The following TENT2 variants were observed in gnomAD, a reference collection of about 807,000 sequenced individuals.
TENT2 encodes the protein terminal nucleotidyltransferase 2, also known as poly(A) RNA polymerase GLD2.
In TENT2, 44 loss-of-function variants were observed where a neutral mutation model predicts 72.2. The observed-to-expected ratio is 0.61, with a 90% CI of 0.48 to 0.78. The LOEUF (loss-of-function observed/expected upper bound fraction) is 0.78. Among genes scored for constraint, TENT2 ranks in the 30% least tolerant of loss-of-function variants. The pLI, the probability that TENT2 is intolerant of heterozygous loss-of-function variation, is 0.00. For missense variants in TENT2, 541 were observed against 569.6 expected, an observed-to-expected ratio of 0.95 and a Z score of 0.51; for synonymous variants, 212 against 192.5, an observed-to-expected ratio of 1.10 and a Z score of -0.84.
At chr5:79,675,261 A>T (rs1311892930) in intron 12 of TENT2, among the ~76,000 whole-genome samples, 3 of 152,186 alleles carry the variant, frequency 2.0e-5, no homozygotes, top group African/African-American at 7.2e-5. Context: ...GCACAAATAG[A>T]ATAGGAGCAC....
At chr5:79,674,845 A>G (rs569771791) in intron 12 of TENT2, among the ~76,000 whole-genome samples, 13 of 152,204 alleles carry the variant, frequency 8.5e-5, no homozygotes, top group Non-Finnish European at 1.6e-4. Flanking sequence ...AGGAAATCCA[A>G]TGGAATGTGG....
At position 79,687,450 on chromosome 5, in the gene TENT2, C is replaced by G. The variant is rs942477897; in HGVS notation, c.*2177C>G. On this transcript the variant is annotated 3_prime_UTR_variant, in exon 15 of 15. Transcript: ENST00000453514. Reference sequence around the variant, plus strand: ...CCAAAATCCACAGATACTCAAGTCCCTTATATAAAATGGTGTAGTGTTTGC... The same window carrying G: ...CCAAAATCCACAGATACTCAAGTCCGTTATATAAAATGGTGTAGTGTTTGC... Among the ~76,000 whole-genome samples the G allele has an allele frequency of 6.6e-6, 1 of 152,158 alleles. No individual in the cohort carries two copies. The highest frequency in any genetic ancestry group is 1.5e-5 in the Non-Finnish European group (1 of 68,024).
intron 11 of TENT2, among the ~76,000 whole-genome samples, chr5:79,666,242 G>T (rs570701313): frequency 1.5e-4 from 21 of 141,690 alleles, no homozygotes; most frequent in African/African-American, 6.3e-4. Flanking sequence ...GCTCGCCTCG[G>T]CCTCCTGAAG....
chr5:79,615,871 C>A (rs951156091), intron 1 of TENT2, among the ~76,000 whole-genome samples: 13 of 151,978 alleles, frequency 8.6e-5, no homozygotes, highest in Non-Finnish European at 7.4e-5. Context: ...GACCACCACA[C>A]CTGGCTAATT....
intron 10 of TENT2, among the ~76,000 whole-genome samples, chr5:79,652,383 C>T (rs572517469): frequency 6.6e-6 from 1 of 151,648 alleles, no homozygotes; most frequent in African/African-American, 2.4e-5. Flanking sequence ...AAGATAATAA[C>T]TGTGTATATA....
At chr5:79,681,808 T>C (rs1197532835) in intron 13 of TENT2, 174 bp from the exon 14 acceptor site, 6 of 531,296 alleles carry the variant, frequency 1.1e-5, no homozygotes, top group Admixed American at 3.3e-5. Context: ...CAGTTCATAG[T>C]ATATCAAGCT....
intron 3 of TENT2, among the ~76,000 whole-genome samples, chr5:79,621,209 G>A (rs1764522603): frequency 6.6e-6 from 1 of 152,090 alleles, no homozygotes; most frequent in African/African-American, 2.4e-5. Flanking sequence ...TAACACTGAG[G>A]TAGATACTAT....
chr5:79,652,116 A>G (rs989467291), intron 10 of TENT2, among the ~76,000 whole-genome samples: 7 of 152,130 alleles, frequency 4.6e-5, no homozygotes, highest in African/African-American at 1.7e-4. Flanking sequence ...TTTCATTTCT[A>G]GAAATTTATC....
chr5:79,656,384 A>T (rs1252233926), intron 10 of TENT2, among the ~76,000 whole-genome samples: 1 of 151,926 alleles, frequency 6.6e-6, no homozygotes, highest in African/African-American at 2.4e-5. Context: ...AGCATTCTTT[A>T]AAAATGTACT....
intron 4 of TENT2, among the ~76,000 whole-genome samples, chr5:79,640,108 T>G (rs972664087): frequency 6.6e-6 from 1 of 151,918 alleles, no homozygotes; most frequent in African/African-American, 2.4e-5. Flanking sequence ...ATTGAAAAAT[T>G]AGCTGGGTGT....
chr5:79,647,683 TA>T (rs929916204), intron 8 of TENT2, among the ~76,000 whole-genome samples: 3 of 152,184 alleles, frequency 2.0e-5, no homozygotes, highest in Admixed American at 2.0e-4. Flanking sequence ...ATTTTGTTTT[TA>T]TTTTAGACAG....
chr5:79,649,071 G>C lies in TENT2; in HGVS notation c.908G>C (p.Arg303Pro). ...TTAATTTTACTTTCAGTTGAAAATC[G>C]AGTTCGTCCGTTAGTGCTGGTGATT... ...LLRTYAYLEN[R>P]VRPLVLVIKK... Residue 303 changes from arginine to proline, a missense_variant, in exon 10 of 15, where the codon CGA (arginine) becomes CCA (proline). Coordinates refer to ENST00000453514, the MANE Select transcript of TENT2 (RefSeq NM_001114394.3). The C allele has an allele frequency of 6.2e-7, 1 of 1,613,036 alleles. No homozygotes were observed. Among genetic ancestry groups the C allele is most frequent in the Non-Finnish European group, 8.5e-7 (1 of 1,179,428 alleles).
At position 79,640,847 on chromosome 5, in the gene TENT2, C is replaced by T. The variant is rs1323072907; in HGVS notation, c.466-4C>T. 1 of 1,585,276 alleles carries T rather than the reference C, an allele frequency of 6.3e-7. No individual in the cohort carries two copies. The highest frequency in any genetic ancestry group is 1.9e-5 in the Admixed American group (1 of 53,748). Reference sequence around the variant, plus strand: ...CTTTTACTTTTTTTTGCGGTGGATTCAAGTTGAGTCAGCAGATACTGGAGT... The same window carrying T: ...CTTTTACTTTTTTTTGCGGTGGATTTAAGTTGAGTCAGCAGATACTGGAGT... On this transcript the variant is annotated splice_region_variant and splice_polypyrimidine_tract_variant and intron_variant, in intron 4 of 14. Transcript: ENST00000453514.
chr5:79,619,900 T>G, intron 2 of TENT2, 94 bp from the exon 3 acceptor site: 3 of 1,455,456 alleles, frequency 2.1e-6, no homozygotes, highest in Non-Finnish European at 2.8e-6. Context: ...CATTTTTTTT[T>G]GATACGGATG....
chr5:79,644,138 C>T (rs1786771833), intron 7 of TENT2, among the ~76,000 whole-genome samples: 1 of 152,038 alleles, frequency 6.6e-6, no homozygotes, highest in African/African-American at 2.4e-5. Context: ...TGTGCCACCT[C>T]ACCTGGCTAA....
At chr5:79,683,313 T>C (rs921610584) in intron 14 of TENT2, among the ~76,000 whole-genome samples, 2 of 145,652 alleles carry the variant, frequency 1.4e-5, no homozygotes, top group Non-Finnish European at 3.0e-5. Context: ...ACGCACATGC[T>C]CACACACACA....
intron 8 of TENT2, among the ~76,000 whole-genome samples, chr5:79,646,494 A>G (rs1199334953): frequency 6.6e-6 from 1 of 152,206 alleles, no homozygotes; most frequent in Non-Finnish European, 1.5e-5. Flanking sequence ...ATGACTGAAT[A>G]TATATATTTT....
intron 1 of TENT2, 49 bp from the exon 2 acceptor site, chr5:79,619,563 G>C (rs1167475209): frequency 3.1e-6 from 4 of 1,294,832 alleles, no homozygotes; most frequent in Admixed American, 2.6e-5. Context: ...AAAGTGTTTA[G>C]TGTCTTTAAG....
intron 12 of TENT2, among the ~76,000 whole-genome samples, chr5:79,670,339 T>A (rs951523732): frequency 5.3e-5 from 8 of 151,548 alleles, no homozygotes; most frequent in Non-Finnish European, 8.8e-5. Context: ...TTATTTATTT[T>A]TTTGAGACGG....
Sources: gnomAD v4.1 joint callset for allele counts (sites outside exome capture counted in the v4.1 genomes callset) on GRCh38, gnomAD v4.1.1 for gene constraint, MANE v1.5 for transcripts, NCBI Gene and HGNC (gene_info 2026-07-23, HGNC 2026-07-21) for gene names.